The following CFAP54 variants were observed in gnomAD, a reference collection of about 807,000 sequenced individuals.
The protein encoded by CFAP54 is cilia and flagella associated protein 54.
Under a neutral mutation model 370.4 loss-of-function variants are expected in CFAP54, and 290 were observed. The observed-to-expected ratio is 0.78, with a 90% CI of 0.71 to 0.86. The LOEUF (loss-of-function observed/expected upper bound fraction) is 0.86. CFAP54 is among the 40% of genes least tolerant of loss of function. The pLI is 0.00. For missense variants in CFAP54, 3,399 were observed against 3,528.7 expected, an observed-to-expected ratio of 0.96 and a Z score of 0.93; for synonymous variants, 1,206 against 1,236.5, an observed-to-expected ratio of 0.98 and a Z score of 0.52.
chr12:96,763,137 T>C (rs954363246), intron 58 of CFAP54, among the ~76,000 whole-genome samples: 10 of 152,200 alleles, frequency 6.6e-5, no homozygotes, highest in African/African-American at 2.4e-4. Flanking sequence ...CTTATTTTAG[T>C]TGTCTTTAAA....
At chr12:96,646,506 T>A (rs995292651) in intron 33 of CFAP54, 4 of 152,324 alleles carry the variant, frequency 2.6e-5, no homozygotes, top group African/African-American at 9.6e-5. Context: ...GGTGGGACTG[T>A]ATGTAAACTA....
chr12:96,749,442 G>T (rs1003400751), intron 55 of CFAP54, among the ~76,000 whole-genome samples: 74 of 152,268 alleles, frequency 4.9e-4, no homozygotes, highest in African/African-American at 1.7e-3. Context: ...AACATTCAGG[G>T]GATAATAATG....
intron 34 of CFAP54, among the ~76,000 whole-genome samples, chr12:96,648,814 T>C (rs565057888): frequency 1.3e-5 from 2 of 152,136 alleles, no homozygotes; most frequent in African/African-American, 4.8e-5. Flanking sequence ...GGTCTCCAAC[T>C]CCTGACCTTG....
chr12:96,604,873 A>G (rs920396379), intron 26 of CFAP54, among the ~76,000 whole-genome samples: 1 of 152,232 alleles, frequency 6.6e-6, no homozygotes, highest in African/African-American at 2.4e-5. Context: ...TCCTCCAGGT[A>G]TAGTCACTCA....
At chr12:96,859,715 C>G (rs1390189652) in intron 66 of CFAP54, among the ~76,000 whole-genome samples, 3 of 152,150 alleles carry the variant, frequency 2.0e-5, no homozygotes, top group Non-Finnish European at 4.4e-5. Flanking sequence ...CCAGGATGCA[C>G]ACTCTTAACA....
chr12:96,632,543 C>T (rs960659581), intron 32 of CFAP54, among the ~76,000 whole-genome samples: 2 of 151,914 alleles, frequency 1.3e-5, no homozygotes, highest in African/African-American at 2.4e-5. Context: ...TATCACTTAA[C>T]AAGTTTTCAT....
chr12:96,506,959 A>T lies in CFAP54; in HGVS notation c.599A>T (p.Asn200Ile), dbSNP rs1479399094. The change falls in exon 4 of 68, where the codon AAC becomes ATC. Residue 200 changes from asparagine (N) to isoleucine (I), a missense_variant. This residue lies in a region of CFAP54 where 559 missense variants were observed against 576.7 expected (regional missense o/e 0.97). Transcript: ENST00000524981. ...FHALSGKNMC[N>I]YQLVCDSDEN... ...GCTTTGAGTGGCAAAAATATGTGCA[A>T]CTACCAGCTGGTCTGCGACAGTGAT... The T allele has an allele frequency of 6.5e-7, 1 of 1,531,250 alleles. No homozygotes were observed. Among genetic ancestry groups the T allele is most frequent in the Non-Finnish European group, 8.7e-7 (1 of 1,145,898 alleles). The allele number at this position is 1,531,250 out of a possible 1,614,324, so 94.9% of individuals were successfully genotyped here. A position where few individuals can be genotyped will look rare whatever the true frequency, so the allele number is the denominator to read the frequency against.
intron 50 of CFAP54, among the ~76,000 whole-genome samples, chr12:96,726,489 G>C (rs1957838967): frequency 6.6e-6 from 1 of 152,168 alleles, no homozygotes; most frequent in Non-Finnish European, 1.5e-5. Context: ...TTCTCTGATG[G>C]TAGTTTGCAT....
chr12:96,526,915 G>C (rs148425713), intron 8 of CFAP54, among the ~76,000 whole-genome samples: 1 of 105,702 alleles, frequency 9.5e-6, no homozygotes, highest in Non-Finnish European at 1.9e-5. Context: ...TTTTGCCTGA[G>C]ACAGGGTCTC....
intron 60 of CFAP54, 39 bp from the exon 61 acceptor site, chr12:96,784,673 CATAAT>C: frequency 1.5e-6 from 2 of 1,327,652 alleles, no homozygotes; most frequent in Non-Finnish European, 2.0e-6. Flanking sequence ...TCAAGGAAAG[CATAAT>C]ATAATATTGT....
At chr12:96,711,065 T>C (rs1010076668) in intron 48 of CFAP54, among the ~76,000 whole-genome samples, 1 of 152,230 alleles carries the variant, frequency 6.6e-6, no homozygotes, top group Non-Finnish European at 1.5e-5. Context: ...GATAGCATTT[T>C]GATGAGCAAT....
intron 55 of CFAP54, among the ~76,000 whole-genome samples, chr12:96,745,730 T>C (rs10860084): frequency 0.38 from 57,422 of 152,014 alleles, 12,013 homozygotes; most frequent in East Asian, 0.68. Context: ...TTAATGAAGG[T>C]GATATTCATT....
intron 65 of CFAP54, among the ~76,000 whole-genome samples, chr12:96,826,993 TTA>T (rs1183854248): frequency 7.1e-6 from 1 of 140,678 alleles, no homozygotes; most frequent in African/African-American, 2.6e-5. Flanking sequence ...TAATATGCAA[TTA>T]TATATGATTA....
At chr12:96,687,082 C>T (rs568345476) in intron 42 of CFAP54, among the ~76,000 whole-genome samples, 198 of 152,286 alleles carry the variant, frequency 1.3e-3, no homozygotes, top group Middle Eastern at 3.4e-3. Context: ...GTCTTCAAGA[C>T]CAACAGCTGA....
rs942689976 is a variant in CFAP54 at position 96,538,438 on chromosome 12, A to C, written c.1846A>C (p.Lys616Gln). The C allele has an allele frequency of 2.0e-6, 3 of 1,535,930 alleles. No homozygotes were observed. The African/African-American group carries it at 4.1e-5, about 21-fold the overall frequency. Reference sequence around the variant, plus strand: ...GGACACGATAATGTTCCTATGGCAGAAATGCAAATTAGGAATTCAGCGGCT... The same window carrying C: ...GGACACGATAATGTTCCTATGGCAGCAATGCAAATTAGGAATTCAGCGGCT... ...VVDTIMFLWQ[K>Q]CKLGIQRLNI... Residue 616 changes from lysine to glutamine, a missense_variant, in exon 13 of 68, where the codon AAA (lysine) becomes CAA (glutamine). Around this residue, in one of 3 missense-constraint regions of CFAP54, gnomAD observed 2,796 missense variants for 2,869.7 expected, o/e 0.97. Coordinates refer to ENST00000524981, the MANE Select transcript of CFAP54 (RefSeq NM_001306084.2).
chr12:96,845,353 C>T (rs2136449374), intron 66 of CFAP54, among the ~76,000 whole-genome samples: 1 of 152,342 alleles, frequency 6.6e-6, no homozygotes, highest in African/African-American at 2.4e-5. Context: ...GTCGTGGCTC[C>T]TGCATTGAGC....
chr12:96,824,163 T>C (rs749937402), intron 65 of CFAP54, among the ~76,000 whole-genome samples: 5 of 152,132 alleles, frequency 3.3e-5, no homozygotes, highest in Non-Finnish European at 5.9e-5. Flanking sequence ...TCCAACCGCT[T>C]TCTGGCTGGG....
chr12:96,741,151 C>T (rs566911748), intron 51 of CFAP54, among the ~76,000 whole-genome samples: 3 of 152,202 alleles, frequency 2.0e-5, no homozygotes, highest in Non-Finnish European at 2.9e-5. Context: ...GGGCCTCTGT[C>T]GACTGCTTAC....
chr12:96,783,755 G>A lies in CFAP54; in HGVS notation c.8282-962G>A, dbSNP rs138480500. On this transcript the variant is annotated intron_variant, in intron 60 of 67. Coordinates refer to ENST00000524981, the MANE Select transcript of CFAP54 (RefSeq NM_001306084.2). ...CACAAAATTAGCCGGGCATGGTGGCGCATGCCTGTAATCCCAGTTACTCGC... is the reference window on the plus strand; with the variant it reads ...CACAAAATTAGCCGGGCATGGTGGCACATGCCTGTAATCCCAGTTACTCGC... Among the ~76,000 whole-genome samples, 1,458 of 152,228 alleles carry A rather than the reference G, an allele frequency of 9.6e-3. 57 individuals are homozygous for A. In the East Asian group the frequency reaches 0.1, roughly 11 times the overall value.
Sources: gnomAD v4.1 joint callset for allele counts (sites outside exome capture counted in the v4.1 genomes callset) on GRCh38, gnomAD v4.1.1 for gene constraint, gnomAD v4.1.1 regional missense constraint, MANE v1.5 for transcripts, NCBI Gene and HGNC (gene_info 2026-07-23, HGNC 2026-07-21) for gene names.